Variants in PDIA5 observed in about 807,000 individuals in gnomAD.
The protein encoded by PDIA5 is protein disulfide isomerase family A member 5.
A neutral mutation model predicts 77.6 loss-of-function variants in PDIA5; 58 were observed. That is an observed-to-expected ratio of 0.75 (90% CI 0.61 to 0.93). The LOEUF is 0.93. Ranked by LOEUF, PDIA5 falls within the 40% of genes least tolerant of loss-of-function variation. The probability of loss-of-function intolerance (pLI) is 0.00; values close to 1 mark genes in which losing one functional copy is unlikely to be tolerated. For synonymous variants in PDIA5, 250 were observed against 252.1 expected (o/e 0.99, Z 0.08); for missense variants, 630 against 647.7 (o/e 0.97, Z 0.30).
intron 8 of PDIA5, among the ~76,000 whole-genome samples, chr3:123,121,596 C>T (rs1935121647): frequency 1.3e-5 from 2 of 152,252 alleles, no homozygotes; most frequent in African/African-American, 2.4e-5. Flanking sequence ...TGCCCAGAGA[C>T]GTGAGGTTTG....
intron 3 of PDIA5, among the ~76,000 whole-genome samples, chr3:123,098,153 C>T (rs1934489588): frequency 6.6e-6 from 1 of 152,124 alleles, no homozygotes; most frequent in Non-Finnish European, 1.5e-5. Flanking sequence ...TCTGACTTGA[C>T]CCCGTAGAGA....
rs1933582147 is a variant in PDIA5, at chr3:123,067,053, G to C, written c.-112G>C. The C allele has an allele frequency of 1.6e-5, 14 of 901,130 alleles. No individual in the cohort carries two copies. The South Asian group carries it at 3.3e-4, about 21-fold the overall frequency. 55.8% of individuals were successfully genotyped at this position (901,130 alleles called of 1,614,324 possible). On this transcript the variant is annotated 5_prime_UTR_variant, in exon 1 of 17. Transcript: ENST00000316218. ...CGTGGCACCGGGAACTCGGAGGCGG[G>C]GAGCGGCTGGGAAGTGGCCGTGGTG...
intron 14 of PDIA5, among the ~76,000 whole-genome samples, chr3:123,151,911 T>TCCTG (rs202031131): frequency 1.6e-5 from 2 of 123,682 alleles, no homozygotes; most frequent in African/African-American, 7.7e-5. Context: ...CTGCCTTCCT[T>TCCTG]CCTGCCTTCC....
At chr3:123,155,447 C>T (rs919381409) in intron 15 of PDIA5, among the ~76,000 whole-genome samples, 2 of 152,236 alleles carry the variant, frequency 1.3e-5, no homozygotes, top group Non-Finnish European at 2.9e-5. Flanking sequence ...GAGCCTCGCC[C>T]TGCCTAAGTG....
intron 13 of PDIA5, among the ~76,000 whole-genome samples, chr3:123,148,284 C>T (rs1010423743): frequency 6.6e-6 from 1 of 152,106 alleles, no homozygotes; most frequent in Admixed American, 6.5e-5. Flanking sequence ...AAAGTTGAAA[C>T]TGGCCGGGCA....
At chr3:123,129,414 C>T (rs569817230) in intron 10 of PDIA5, among the ~76,000 whole-genome samples, 4 of 152,322 alleles carry the variant, frequency 2.6e-5, no homozygotes, top group African/African-American at 7.2e-5. Flanking sequence ...ACATCATACC[C>T]GGCTGCGGAG....
At chr3:123,073,564 C>A (rs1441279653) in intron 1 of PDIA5, among the ~76,000 whole-genome samples, 1 of 152,202 alleles carries the variant, frequency 6.6e-6, no homozygotes, top group African/African-American at 2.4e-5. Flanking sequence ...TTCCACATAC[C>A]AGTTTGCAAC....
At chr3:123,100,809 G>A (rs1934570054) in intron 3 of PDIA5, among the ~76,000 whole-genome samples, 1 of 152,248 alleles carries the variant, frequency 6.6e-6, no homozygotes, top group African/African-American at 2.4e-5. Context: ...TAGTCCATCT[G>A]TTCTGGGCTG....
chr3:123,074,016 G>A (rs1933789139), intron 1 of PDIA5, among the ~76,000 whole-genome samples: 1 of 152,212 alleles, frequency 6.6e-6, no homozygotes, highest in African/African-American at 2.4e-5. Context: ...GAACGAGTGG[G>A]TTTGTTCTCA....
At chr3:123,130,103 C>A (rs1394355643) in intron 10 of PDIA5, among the ~76,000 whole-genome samples, 1 of 152,182 alleles carries the variant, frequency 6.6e-6, no homozygotes, top group Non-Finnish European at 1.5e-5. Flanking sequence ...CAAAGGTCAC[C>A]ATTCACTGTT....
chr3:123,089,311 G>A lies in PDIA5; in HGVS notation c.169+17G>A, dbSNP rs1934227488. 4 of 1,612,866 alleles carry A rather than the reference G, an allele frequency of 2.5e-6. No homozygotes were observed. The highest frequency in any genetic ancestry group is 3.4e-6 in the Non-Finnish European group (4 of 1,179,268). ...CCAAATCTGGTGAGTGTCCCTTCCT[G>A]GCCTTGAGGTCAACCATCGGGGTAG... is the stretch of plus-strand genomic sequence containing the variant. On this transcript the variant is annotated intron_variant, in intron 2 of 16. Transcript: ENST00000316218.
chr3:123,068,702 G>A (rs1171047602), intron 1 of PDIA5, among the ~76,000 whole-genome samples: 2 of 152,202 alleles, frequency 1.3e-5, no homozygotes, highest in African/African-American at 4.8e-5. Context: ...ACATTGTTTG[G>A]ATTGATATTT....
chr3:123,110,830 C>T, intron 6 of PDIA5, 114 bp from the exon 7 acceptor site: 2 of 894,888 alleles, frequency 2.2e-6, no homozygotes, highest in Non-Finnish European at 3.8e-6. Flanking sequence ...CTCACTCCCC[C>T]TCCCCTCCCC....
At chr3:123,153,287 C>T (rs1935953835) in intron 14 of PDIA5, among the ~76,000 whole-genome samples, 1 of 152,128 alleles carries the variant, frequency 6.6e-6, no homozygotes, top group African/African-American at 2.4e-5. Flanking sequence ...TTATTTTCGC[C>T]AGCCTAATGC....
At chr3:123,080,640 A>G (rs934857201) in intron 1 of PDIA5, among the ~76,000 whole-genome samples, 2 of 152,198 alleles carry the variant, frequency 1.3e-5, no homozygotes, top group Non-Finnish European at 2.9e-5. Flanking sequence ...TATAAATAAC[A>G]TATCTAAAGT....
chr3:123,154,732 C>T (rs1236185833), intron 14 of PDIA5, among the ~76,000 whole-genome samples: 1 of 152,172 alleles, frequency 6.6e-6, no homozygotes, highest in Non-Finnish European at 1.5e-5. Flanking sequence ...CGCCCCCCAG[C>T]CTGGGCAGGA....
chr3:123,067,420 G>A, intron 1 of PDIA5: 1 of 414,042 alleles, frequency 2.4e-6, no homozygotes. Context: ...GGACGCAGGG[G>A]CAGGAGGCAG....
intron 7 of PDIA5, among the ~76,000 whole-genome samples, chr3:123,114,426 T>G (rs994197231): frequency 9.2e-5 from 14 of 152,078 alleles, no homozygotes; most frequent in African/African-American, 3.4e-4. Flanking sequence ...GTTCCCCGGC[T>G]CTATCTAACA....
chr3:123,151,698 C>T (rs13062598), intron 14 of PDIA5, among the ~76,000 whole-genome samples: 26,260 of 151,552 alleles, frequency 0.17, 2,844 homozygotes, highest in Non-Finnish European at 0.23. Context: ...GAGACTCTTA[C>T]CCTTTTGGGC....
Sources: gnomAD v4.1 joint callset for allele counts (sites outside exome capture counted in the v4.1 genomes callset) on GRCh38, gnomAD v4.1.1 for gene constraint, MANE v1.5 for transcripts, NCBI Gene and HGNC (gene_info 2026-07-23, HGNC 2026-07-21) for gene names.